MARVELD3: variants seen among roughly 807,000 people sequenced by gnomAD.
The protein encoded by MARVELD3 is MARVEL domain containing 3.
MARVELD3 carries 28 observed loss-of-function variants against 33.5 expected under a neutral mutation model. The ratio of observed to expected loss-of-function variants is 0.84; its 90% CI spans 0.62 to 1.15. The LOEUF (loss-of-function observed/expected upper bound fraction) is 1.15. MARVELD3 is among the 50% of genes most tolerant of loss of function. The probability of loss-of-function intolerance (pLI) is 0.00; values close to 1 mark genes in which losing one functional copy is unlikely to be tolerated. For missense variants in MARVELD3, 582 were observed against 547.6 expected, an observed-to-expected ratio of 1.06 and a Z score of -0.63; for synonymous variants, 241 against 230.4, an observed-to-expected ratio of 1.05 and a Z score of -0.42.
At chr16:71,632,201 G>A (rs1443150315) in intron 2 of MARVELD3, among the ~76,000 whole-genome samples, 2 of 152,238 alleles carry the variant, frequency 1.3e-5, no homozygotes, top group Admixed American at 1.3e-4. Flanking sequence ...CAAGGAAAGT[G>A]AGGGATTGAC....
chr16:71,626,596 A>C lies in MARVELD3; in HGVS notation c.367A>C (p.Thr123Pro). The C allele has an allele frequency of 6.5e-7, 1 of 1,542,980 alleles. No homozygotes were observed. Among genetic ancestry groups the C allele is most frequent in the Non-Finnish European group, 8.7e-7 (1 of 1,146,206 alleles). Residue 123 changes from threonine to proline, a missense_variant, in exon 1 of 3, where the codon ACC (threonine) becomes CCC (proline). Coordinates refer to ENST00000268485, the MANE Select transcript of MARVELD3 (RefSeq NM_052858.6). This position sits in a 1 kb window ranked among gnomAD's most constrained non-coding sequence, Gnocchi z 5.3. The stretch of plus-strand genomic sequence containing the variant: ...GACGCGGGACGGAGCCCGGGGACTG[A>C]CCTGGGACGCAGCCGCGCCTCCTGG... Reference protein sequence around the residue: ...SRTRDGARGLTWDAAAPPGPA... With the variant: ...SRTRDGARGLPWDAAAPPGPA...
chr16:71,630,820 G>T (rs953075616), intron 2 of MARVELD3, among the ~76,000 whole-genome samples: 1 of 152,048 alleles, frequency 6.6e-6, no homozygotes, highest in African/African-American at 2.4e-5. Context: ...CGTTCATTAA[G>T]AACAAAATCA....
Position 71,635,641 on chromosome 16 carries a change from C to A in MARVELD3, c.*838C>A, listed in dbSNP as rs1454905349. On this transcript the variant is annotated 3_prime_UTR_variant, in exon 3 of 3. Coordinates refer to ENST00000268485, the MANE Select transcript of MARVELD3 (RefSeq NM_052858.6). ...AAAAAAAAAAAAAGTTCATGGAGAG[C>A]CACATAGACATGAGACCACACTTCA... The A allele has an allele frequency of 8.1e-6, 8 of 985,134 alleles. No individual in the cohort carries two copies. The highest frequency in any genetic ancestry group is 8.4e-6 in the Non-Finnish European group (7 of 829,968). 61.0% of individuals were successfully genotyped at this position (985,134 alleles called of 1,614,324 possible). A position where few individuals can be genotyped will look rare whatever the true frequency, so the allele number is the denominator to read the frequency against.
At chr16:71,638,076 G>A (rs556417455), downstream of MARVELD3, 2 of 152,188 alleles carry the variant, frequency 1.3e-5, no homozygotes, top group African/African-American at 2.4e-5. Flanking sequence ...TCCTGCTCTC[G>A]GTTCATTTGT....
downstream of MARVELD3, chr16:71,640,968 C>T (rs774293472): frequency 8.7e-6 from 14 of 1,613,582 alleles, no homozygotes; most frequent in East Asian, 2.2e-5. Context: ...CAAAGGCAGC[C>T]GAGAACAGCC....
intron 1 of MARVELD3, among the ~76,000 whole-genome samples, chr16:71,628,565 G>A (rs555936468): frequency 6.6e-6 from 1 of 151,818 alleles, no homozygotes; most frequent in Admixed American, 6.6e-5. Context: ...GGAAGACTGA[G>A]GAGGAAGAGG....
chr16:71,635,764 A>G lies in MARVELD3; in HGVS notation c.*961A>G, dbSNP rs1259802160. ...TCCTTCCACTTCCTTAATTCTGCAA[A>G]TGGAGGGGGTGGGGACTCTTGGGAA... On this transcript the variant is annotated 3_prime_UTR_variant, in exon 3 of 3. Transcript: ENST00000268485. 4.1e-6 allele frequency: 4 copies of G among 985,170 alleles called. No individual in the cohort carries two copies. The highest frequency in any genetic ancestry group is 4.8e-6 in the Non-Finnish European group (4 of 829,910). 61.0% of individuals were successfully genotyped at this position (985,170 alleles called of 1,614,324 possible).
intron 2 of MARVELD3, among the ~76,000 whole-genome samples, chr16:71,631,870 GCAT>G (rs915699490): frequency 6.6e-6 from 1 of 152,180 alleles, no homozygotes; most frequent in Non-Finnish European, 1.5e-5. Context: ...ACTTGAGAGA[GCAT>G]CATCATTTCA....
At position 71,634,294 on chromosome 16, in the gene MARVELD3, G is replaced by C; in HGVS notation, c.697G>C (p.Gly233Arg). Residue 233 changes from glycine (G) to arginine (R), a missense_variant, in exon 3 of 3, where the codon GGG (glycine) becomes CGG (arginine). By Grantham distance (125) the Gly-to-Arg change is moderately radical. Coordinates refer to ENST00000268485, the MANE Select transcript of MARVELD3 (RefSeq NM_052858.6). ...TGGYTGITSL[G>R]GIYYYQFGGA... ...GGGCTACACGGGCATCACCAGCTTG[G>C]GGGGCATTTACTACTATCAGTTCGG... is the stretch of plus-strand genomic sequence containing the variant. The C allele has an allele frequency of 6.2e-7, 1 of 1,614,164 alleles. No individual in the cohort carries two copies. The highest frequency in any genetic ancestry group is 8.5e-7 in the Non-Finnish European group (1 of 1,180,026).
At chr16:71,640,796 C>G (rs1051210772), downstream of MARVELD3, 24 of 1,614,124 alleles carry the variant, frequency 1.5e-5, no homozygotes, top group Admixed American at 1.0e-4. Flanking sequence ...CCGACACTTG[C>G]AAAACAAGAG....
chr16:71,627,137 G>A (rs1007552666), intron 1 of MARVELD3, among the ~76,000 whole-genome samples: 1 of 152,194 alleles, frequency 6.6e-6, no homozygotes, highest in Non-Finnish European at 1.5e-5. Flanking sequence ...CCTTGTGGCC[G>A]GGCCGCCCAC....
downstream of MARVELD3, among the ~76,000 whole-genome samples, chr16:71,636,842 C>A (rs111888733): frequency 6.6e-6 from 1 of 152,178 alleles, no homozygotes; most frequent in Admixed American, 6.5e-5. Context: ...CCACCCACCT[C>A]AGCCTCCCAA....
At chr16:71,632,327 A>G (rs2044541300) in intron 2 of MARVELD3, among the ~76,000 whole-genome samples, 1 of 152,206 alleles carries the variant, frequency 6.6e-6, no homozygotes, top group Non-Finnish European at 1.5e-5. Flanking sequence ...AATGTGGGTC[A>G]TTTTGTTGCA....
downstream of MARVELD3, among the ~76,000 whole-genome samples, chr16:71,637,355 GA>G (rs993900212): frequency 6.6e-6 from 1 of 151,888 alleles, no homozygotes; most frequent in African/African-American, 2.4e-5. Context: ...TTCAGGGGGC[GA>G]AATATTAACG....
intron 2 of MARVELD3, among the ~76,000 whole-genome samples, chr16:71,630,174 G>A (rs1031441741): frequency 6.6e-6 from 1 of 151,934 alleles, no homozygotes; most frequent in Non-Finnish European, 1.5e-5. Flanking sequence ...ATCACTTGAG[G>A]TCAGGGGTTC....
At chr16:71,633,382 G>GT (rs1454110177) in intron 2 of MARVELD3, among the ~76,000 whole-genome samples, 1 of 152,086 alleles carries the variant, frequency 6.6e-6, no homozygotes, top group African/African-American at 2.4e-5. Flanking sequence ...AACTTGTTTA[G>GT]TTTTTTGTGT....
At chr16:71,639,060 CTTTTTTTTTTTT>C (rs34319437), downstream of MARVELD3, 5 of 59,612 alleles carry the variant, frequency 8.4e-5, 1 homozygote, top group Admixed American at 3.0e-4. Context: ...CAGACTGGTT[CTTTTTTTTTTTT>C]TTTTTTTTTT....
rs78688791 is a variant in MARVELD3 at position 71,635,615 on chromosome 16, CA to C, written c.*825del. On this transcript the variant is annotated 3_prime_UTR_variant, in exon 3 of 3. Coordinates refer to ENST00000268485, the MANE Select transcript of MARVELD3 (RefSeq NM_052858.6). ...GACCAAGACCGTATTGCCAAAATAC[CA>C]AAAAAAAAAAAAGTTCATGGAGAGC... 0.078 allele frequency: 46,651 copies of C among 595,696 alleles called. No individual in the cohort carries two copies. Among genetic ancestry groups the C allele is most frequent in the Non-Finnish European group, 0.088 (42,376 of 482,132 alleles). 36.9% of individuals were successfully genotyped at this position (595,696 alleles called of 1,614,324 possible). A position where few individuals can be genotyped will look rare whatever the true frequency, so the allele number is the denominator to read the frequency against.
chr16:71,627,085 C>G (rs1365640294), intron 1 of MARVELD3, among the ~76,000 whole-genome samples: 2 of 152,228 alleles, frequency 1.3e-5, no homozygotes, highest in African/African-American at 4.8e-5. Flanking sequence ...GACCCTTGTC[C>G]CGTGTTCCAG....
Sources: allele counts gnomAD v4.1 joint callset (sites outside exome capture counted in the v4.1 genomes callset), GRCh38; gene constraint gnomAD v4.1.1; non-coding constraint Gnocchi (gnomAD v3.1); transcripts MANE v1.5; gene names NCBI Gene and HGNC (gene_info 2026-07-23, HGNC 2026-07-21).